Variants in XKR6 observed in about 807,000 individuals in gnomAD.
The protein encoded by XKR6 is XK related 6.
XKR6 carries 22 observed loss-of-function variants against 56.7 expected under a neutral mutation model. The observed-to-expected ratio is 0.39, with a 90% CI of 0.28 to 0.55. XKR6 has a LOEUF of 0.55. Ranked by LOEUF, XKR6 falls within the 20% of genes least tolerant of loss-of-function variation. The probability of loss-of-function intolerance (pLI) is 0.66; values close to 1 mark genes in which losing one functional copy is unlikely to be tolerated. For missense variants in XKR6, 852 were observed against 889.0 expected, an observed-to-expected ratio of 0.96 and a Z score of 0.53; for synonymous variants, 524 against 387.8, an observed-to-expected ratio of 1.35 and a Z score of -4.13.
intron 2 of XKR6, among the ~76,000 whole-genome samples, chr8:10,908,151 G>A (rs1800235781): frequency 6.6e-6 from 1 of 152,236 alleles, no homozygotes; most frequent in Non-Finnish European, 1.5e-5. Context: ...GTGTGGCCCT[G>A]CCGGGCAGAA....
At chr8:11,168,024 C>CA (rs1362285838) in intron 1 of XKR6, among the ~76,000 whole-genome samples, 2 of 149,494 alleles carry the variant, frequency 1.3e-5, no homozygotes, top group African/African-American at 2.5e-5. Context: ...AGTCACTTGA[C>CA]AAAAAAAAGA....
At chr8:11,026,491 A>G (rs1220031477) in intron 1 of XKR6, among the ~76,000 whole-genome samples, 8 of 149,134 alleles carry the variant, frequency 5.4e-5, no homozygotes. Flanking sequence ...CTACACACCT[A>G]GATGGTCTAG....
At chr8:11,074,021 C>G (rs945709565) in intron 1 of XKR6, among the ~76,000 whole-genome samples, 37 of 152,114 alleles carry the variant, frequency 2.4e-4, no homozygotes, top group African/African-American at 8.7e-4. Context: ...GAAAAAAAAG[C>G]AGAGAGAGAG....
chr8:11,011,845 G>A (rs2129146105), intron 1 of XKR6, among the ~76,000 whole-genome samples: 1 of 152,314 alleles, frequency 6.6e-6, no homozygotes, highest in African/African-American at 2.4e-5. Flanking sequence ...TCCACTGCAG[G>A]GCAGCACATG....
chr8:11,069,320 T>G (rs1277866087), intron 1 of XKR6, among the ~76,000 whole-genome samples: 1 of 151,966 alleles, frequency 6.6e-6, no homozygotes, highest in Non-Finnish European at 1.5e-5. Context: ...TTTCTCAGTC[T>G]GAAGCAGAAG....
intron 1 of XKR6, among the ~76,000 whole-genome samples, chr8:11,189,914 T>A (rs1331600090): frequency 6.6e-6 from 1 of 152,166 alleles, no homozygotes; most frequent in East Asian, 1.9e-4. Flanking sequence ...CCCAGCACTT[T>A]GGGAGGCCAA....
At chr8:11,108,739 C>A (rs1046544812) in intron 1 of XKR6, 3 of 192,670 alleles carry the variant, frequency 1.6e-5, no homozygotes, top group Non-Finnish European at 3.2e-5. Context: ...CACAGATGGG[C>A]GCGAGAACAG....
At chr8:11,118,773 T>A (rs1413561816) in intron 1 of XKR6, among the ~76,000 whole-genome samples, 1 of 152,218 alleles carries the variant, frequency 6.6e-6, no homozygotes, top group Non-Finnish European at 1.5e-5. Flanking sequence ...CTGGATTCAC[T>A]GATTTTTTGA....
chr8:11,192,385 G>A (rs751432906), intron 1 of XKR6, among the ~76,000 whole-genome samples: 5 of 152,028 alleles, frequency 3.3e-5, no homozygotes, highest in Non-Finnish European at 5.9e-5. Context: ...TCCTGACCTC[G>A]TGATCCATCC....
intron 1 of XKR6, among the ~76,000 whole-genome samples, chr8:11,132,634 T>C (rs1188824075): frequency 6.6e-6 from 1 of 152,034 alleles, no homozygotes; most frequent in Non-Finnish European, 1.5e-5. Context: ...AGTGCTGGGA[T>C]GACACGTACG....
intron 1 of XKR6, among the ~76,000 whole-genome samples, chr8:11,121,808 G>A (rs142634270): frequency 0.016 from 2,436 of 152,278 alleles, 49 homozygotes; most frequent in African/African-American, 0.05. Flanking sequence ...ATGATAGACT[G>A]GATTAAGAAA....
At chr8:10,981,248 G>A (rs1243061382) in intron 1 of XKR6, among the ~76,000 whole-genome samples, 5 of 152,146 alleles carry the variant, frequency 3.3e-5, no homozygotes, top group Admixed American at 6.5e-5. Flanking sequence ...CATACGAGGG[G>A]GTAAATAGAT....
intron 1 of XKR6, among the ~76,000 whole-genome samples, chr8:11,134,320 G>C (rs1800272706): frequency 6.6e-6 from 1 of 152,120 alleles, no homozygotes. Context: ...GGAAAACAAA[G>C]ACTTCTGTCA....
At chr8:11,113,006 T>A (rs1418890618) in intron 1 of XKR6, among the ~76,000 whole-genome samples, 1 of 152,164 alleles carries the variant, frequency 6.6e-6, no homozygotes, top group South Asian at 2.1e-4. Context: ...AAAATAAAGA[T>A]GACTTTTAAA....
rs1804206499 is a variant in XKR6, at chr8:11,201,148, C to G, written c.192G>C (p.Ser64=). 2.0e-6 allele frequency: 3 copies of G among 1,521,498 alleles called. No homozygotes were observed. The South Asian group carries it at 3.6e-5, about 18-fold the overall frequency. The allele number at this position is 1,521,498 out of a possible 1,614,324, so 94.2% of individuals were successfully genotyped here. ...AGGCGGAGCGGCAGCCCCAGTAGCACGAGGAGGTGTTGCAGCAGTGGCAGA... is the reference window on the plus strand; with the variant it reads ...AGGCGGAGCGGCAGCCCCAGTAGCAGGAGGAGGTGTTGCAGCAGTGGCAGA... ...MHICHCCNTS[S]CYWGCRSACL... The change falls in exon 1 of 3, where the codon TCG becomes TCC. Residue 64 remains serine, a synonymous_variant. Coordinates refer to ENST00000416569, the MANE Select transcript of XKR6 (RefSeq NM_173683.4).
At chr8:10,962,646 G>T (rs1364547904) in intron 1 of XKR6, among the ~76,000 whole-genome samples, 6 of 151,416 alleles carry the variant, frequency 4.0e-5, no homozygotes, top group African/African-American at 1.2e-4. Context: ...TTGTTTTTGA[G>T]ACAGAGTCTC....
intron 1 of XKR6, among the ~76,000 whole-genome samples, chr8:11,005,864 G>A (rs1366130265): frequency 9.9e-6 from 1 of 100,608 alleles, no homozygotes; most frequent in Non-Finnish European, 1.9e-5. Context: ...TTTTTTTTGA[G>A]ATGGAGTCTC....
At chr8:10,990,821 G>A (rs1479115608) in intron 1 of XKR6, among the ~76,000 whole-genome samples, 2 of 150,594 alleles carry the variant, frequency 1.3e-5, no homozygotes, top group Non-Finnish European at 2.9e-5. Flanking sequence ...GGGCTCAAGC[G>A]ATCCACCTGC....
At chr8:11,080,023 A>G (rs1797662595) in intron 1 of XKR6, among the ~76,000 whole-genome samples, 1 of 151,664 alleles carries the variant, frequency 6.6e-6, no homozygotes, top group Non-Finnish European at 1.5e-5. Context: ...AAGTTGAAAA[A>G]TAAAATAATC....
Sources: gnomAD v4.1 joint callset for allele counts (sites outside exome capture counted in the v4.1 genomes callset) on GRCh38, gnomAD v4.1.1 for gene constraint, MANE v1.5 for transcripts, NCBI Gene and HGNC (gene_info 2026-07-23, HGNC 2026-07-21) for gene names.